SYTL2: variants seen among roughly 807,000 people sequenced by gnomAD.
The protein encoded by SYTL2 is synaptotagmin-like protein 2.
A neutral mutation model predicts 198.7 loss-of-function variants in SYTL2; 165 were observed. The ratio of observed to expected loss-of-function variants is 0.83; its 90% CI spans 0.73 to 0.94. SYTL2 has a LOEUF of 0.94. SYTL2 is among the 40% of genes least tolerant of loss of function. The pLI is 0.00. For synonymous variants in SYTL2, 966 were observed against 917.7 expected (o/e 1.05, Z -0.95); for missense variants, 2,835 against 2,582.8 (o/e 1.10, Z -2.12).
At position 85,727,664 on chromosome 11, in the gene SYTL2, T is replaced by A; in HGVS notation, c.1694A>T (p.Asp565Val). The change falls in exon 8 of 20, where the codon GAC becomes GTC. Residue 565 changes from aspartate to valine, a missense_variant. Asp to Val is a radical substitution (Grantham distance 152, BLOSUM62 -3). Around this residue, in one of 3 missense-constraint regions of SYTL2, gnomAD observed 2,645 missense variants for 2,381.7 expected, o/e 1.11. Coordinates refer to ENST00000359152, the MANE Select transcript of SYTL2 (RefSeq NM_206927.4). ...TGAGCCATTTTCTCTTAAAGTAGTG[T>A]CATCTGTCACCAAGTCAACAGCAAC... ...SQVAVDLVTD[D>V]TTLRENGSKT... 1 of 1,538,410 alleles carries A rather than the reference T, an allele frequency of 6.5e-7. No homozygotes were observed. Among genetic ancestry groups the A allele is most frequent in the Non-Finnish European group, 8.7e-7 (1 of 1,146,896 alleles).
At chr11:85,698,805 T>C (rs939395812) in intron 17 of SYTL2, among the ~76,000 whole-genome samples, 4 of 152,346 alleles carry the variant, frequency 2.6e-5, no homozygotes, top group Middle Eastern at 3.4e-3. Context: ...TCCTAAAGTG[T>C]TGGGATTACA....
At chr11:85,783,800 T>C (rs1313173248) in intron 1 of SYTL2, among the ~76,000 whole-genome samples, 1 of 152,210 alleles carries the variant, frequency 6.6e-6, no homozygotes, top group Non-Finnish European at 1.5e-5. Context: ...CACCCCATGC[T>C]GCCTTCTTGG....
At chr11:85,839,281 T>G in the SYTL2 span, among the ~76,000 whole-genome samples, 2,031 of 152,326 alleles carry the variant, frequency 0.013, 26 homozygotes, top group Non-Finnish European at 0.021. Context: ...TCTTATTCAC[T>G]CTTTCTAACT....
chr11:85,809,019 C>A (rs558889215), intron 1 of SYTL2, among the ~76,000 whole-genome samples: 3 of 152,264 alleles, frequency 2.0e-5, no homozygotes, highest in African/African-American at 7.2e-5. Flanking sequence ...ACCTCCCTTG[C>A]CCAAAGAGGA....
rs534604317 is a variant in SYTL2 at position 85,722,303 on chromosome 11, G to A, written c.5327-1344C>T. On this transcript the variant is annotated intron_variant, in intron 8 of 19. Coordinates refer to ENST00000359152, the MANE Select transcript of SYTL2 (RefSeq NM_206927.4). ...CACCATTCTGCTGCCTCAGCCTCCC[G>A]AGTAGCTGGGACTACAGCCACCACC... Among the ~76,000 whole-genome samples, 28 of 149,030 alleles carry A rather than the reference G, an allele frequency of 1.9e-4. No homozygotes were observed. In the South Asian group the frequency reaches 4.3e-3, roughly 23 times the overall value.
chr11:85,698,909 T>A (rs1440920509), intron 17 of SYTL2, among the ~76,000 whole-genome samples: 2 of 152,338 alleles, frequency 1.3e-5, no homozygotes, highest in East Asian at 3.9e-4. Flanking sequence ...GGCAGATAGT[T>A]ACTAAGAAGT....
chr11:85,810,135 G>A (rs1001166375), intron 1 of SYTL2, among the ~76,000 whole-genome samples: 40 of 152,144 alleles, frequency 2.6e-4, no homozygotes, highest in African/African-American at 9.7e-4. Flanking sequence ...TGGCTCAGGG[G>A]GCTGACAGGG....
chr11:85,821,855 T>G, the SYTL2 span, among the ~76,000 whole-genome samples: 27 of 152,142 alleles, frequency 1.8e-4, no homozygotes, highest in African/African-American at 6.5e-4. Context: ...CAGAATCCAG[T>G]GGGAGAGCAC....
At chr11:85,729,595 T>C (rs1404754030) in intron 7 of SYTL2, among the ~76,000 whole-genome samples, 1 of 152,162 alleles carries the variant, frequency 6.6e-6, no homozygotes, top group Non-Finnish European at 1.5e-5. Flanking sequence ...AAACCAGTGT[T>C]TAGAGGGAAA....
chr11:85,793,641 C>A (rs1449608576), intron 1 of SYTL2, among the ~76,000 whole-genome samples: 1 of 152,184 alleles, frequency 6.6e-6, no homozygotes, highest in Non-Finnish European at 1.5e-5. Flanking sequence ...TATTTTATAA[C>A]CTGTCCTTAA....
intron 1 of SYTL2, among the ~76,000 whole-genome samples, chr11:85,779,315 C>T (rs747355512): frequency 1.4e-4 from 21 of 152,130 alleles, no homozygotes; most frequent in Non-Finnish European, 2.6e-4. Context: ...AGCAGGATTA[C>T]ATGTGAAGTT....
intron 1 of SYTL2, among the ~76,000 whole-genome samples, chr11:85,806,106 T>G (rs2092955749): frequency 6.6e-6 from 1 of 152,240 alleles, no homozygotes; most frequent in Non-Finnish European, 1.5e-5. Flanking sequence ...ATTTGTTCAT[T>G]TATTAATTAA....
At chr11:85,769,351 G>A (rs1208572664) in intron 1 of SYTL2, among the ~76,000 whole-genome samples, 1 of 152,306 alleles carries the variant, frequency 6.6e-6, no homozygotes, top group East Asian at 1.9e-4. Flanking sequence ...GAGGAGATAT[G>A]AGGCTGAAAA....
intron 1 of SYTL2, among the ~76,000 whole-genome samples, chr11:85,791,189 A>C (rs955084439): frequency 2.0e-5 from 3 of 150,904 alleles, no homozygotes; most frequent in African/African-American, 7.3e-5. Flanking sequence ...AAAAAAAAAA[A>C]AAAAAACAAC....
rs761823405 is a variant in SYTL2, at chr11:85,737,788, G to C, written c.390-132C>G. 6 of 721,374 alleles carry C rather than the reference G, an allele frequency of 8.3e-6. No individual in the cohort carries two copies. The African/African-American group carries it at 1.1e-4, about 13-fold the overall frequency. The allele number at this position is 721,374 out of a possible 1,614,324, so 44.7% of individuals were successfully genotyped here. ...GCAGAAGAATAAGAAGGATTCTCTAGAGAATTATTCCCTATCCCAGGGACA... is the reference window on the plus strand; with the variant it reads ...GCAGAAGAATAAGAAGGATTCTCTACAGAATTATTCCCTATCCCAGGGACA... On this transcript the variant is annotated intron_variant, in intron 4 of 19. Transcript: ENST00000359152.
At chr11:85,706,522 C>T (rs761870432) in intron 15 of SYTL2, among the ~76,000 whole-genome samples, 2 of 152,162 alleles carry the variant, frequency 1.3e-5, no homozygotes, top group Non-Finnish European at 2.9e-5. Context: ...TAAGACAGTA[C>T]AGGAGGCAGT....
chr11:85,778,386 A>C (rs1252487376), intron 1 of SYTL2, among the ~76,000 whole-genome samples: 5 of 152,234 alleles, frequency 3.3e-5, no homozygotes, highest in African/African-American at 1.2e-4. Flanking sequence ...TTGGACTCGA[A>C]GCTGAAAGTG....
chr11:85,694,866 GCAAACAAGAACAT>G lies in SYTL2; in HGVS notation c.*316_*328del. On this transcript the variant is annotated 3_prime_UTR_variant, in exon 20 of 20. Transcript: ENST00000359152. The stretch of plus-strand genomic sequence containing the variant: ...GAATTGTGGTGTGAAACACATGATG[GCAAACAAGAACAT>G]TTTGCTTCTTAACAATACCCCATGT... 5.5e-6 allele frequency: 1 copy of G among 180,560 alleles called. No homozygotes were observed. The highest frequency in any genetic ancestry group is 1.2e-5 in the Non-Finnish European group (1 of 85,718). The allele number at this position is 180,560 out of a possible 1,614,324, so 11.2% of individuals were successfully genotyped here.
chr11:85,722,879 T>C (rs1250255326), intron 8 of SYTL2, among the ~76,000 whole-genome samples: 1 of 152,088 alleles, frequency 6.6e-6, no homozygotes, highest in Non-Finnish European at 1.5e-5. Context: ...GATTCTTTGG[T>C]CAGTGTTCAA....
Sources: gnomAD v4.1 joint callset for allele counts (sites outside exome capture counted in the v4.1 genomes callset) on GRCh38, gnomAD v4.1.1 for gene constraint, gnomAD v4.1.1 regional missense constraint, MANE v1.5 for transcripts, NCBI Gene and HGNC (gene_info 2026-07-23, HGNC 2026-07-21) for gene names.